Variants in NDST1 observed in about 807,000 individuals in gnomAD.
NDST1 encodes N-deacetylase and N-sulfotransferase 1, also known as bifunctional heparan sulfate N-deacetylase/N-sulfotransferase 1.
NDST1 carries 35 observed loss-of-function variants against 92.8 expected under a neutral mutation model. The ratio of observed to expected loss-of-function variants is 0.38; its 90% confidence interval spans 0.29 to 0.50. NDST1 has a LOEUF of 0.50. NDST1 is among the 20% of genes least tolerant of loss of function. The probability of loss-of-function intolerance (pLI) is 0.94; values close to 1 mark genes in which losing one functional copy is unlikely to be tolerated. For missense variants in NDST1, 822 were observed against 1,182.7 expected, an observed-to-expected ratio of 0.69 and a Z score of 4.47; for synonymous variants, 493 against 500.3, an observed-to-expected ratio of 0.99 and a Z score of 0.19.
rs958227562 is a variant in NDST1 at position 150,553,517 on chromosome 5, C to T, written c.*185C>T. 2.2e-5 allele frequency: 17 copies of T among 783,240 alleles called. No individual in the cohort carries two copies. Among genetic ancestry groups the T allele is most frequent in the African/African-American group, 5.1e-5 (3 of 58,644 alleles). The allele number at this position is 783,240 out of a possible 1,614,324, so 48.5% of individuals were successfully genotyped here. ...TCTGCAAGCACCTCGGAGCACCCAC[C>T]GCTGGGTCTGCGGCCTAAGGGACCT... On this transcript the variant is annotated 3_prime_UTR_variant, in exon 15 of 15. Coordinates refer to ENST00000261797, the MANE Select transcript of NDST1 (RefSeq NM_001543.5). The surrounding 1 kb of genome is among the most constrained non-coding windows in gnomAD (Gnocchi z 4.2).
chr5:150,553,685 C>T lies in NDST1; in HGVS notation c.*353C>T, dbSNP rs1284807959. 2.7e-5 allele frequency: 11 copies of T among 411,982 alleles called. No individual in the cohort carries two copies. Among genetic ancestry groups the T allele is most frequent in the Admixed American group, 7.1e-5 (2 of 28,154 alleles). The allele number at this position is 411,982 out of a possible 1,614,324, so 25.5% of individuals were successfully genotyped here. On this transcript the variant is annotated 3_prime_UTR_variant, in exon 15 of 15. Coordinates refer to ENST00000261797, the MANE Select transcript of NDST1 (RefSeq NM_001543.5). The surrounding 1 kb of genome is among the most constrained non-coding windows in gnomAD (Gnocchi z 4.2). Reference sequence around the variant, plus strand: ...CTCGTCACCCATCACTCCCTGCTTCCGCAGGGCGCCCCTCAGTATTCGCTG... The same window carrying T: ...CTCGTCACCCATCACTCCCTGCTTCTGCAGGGCGCCCCTCAGTATTCGCTG...
chr5:150,550,340 A>G (rs1201799258), intron 13 of NDST1: 1 of 158,020 alleles, frequency 6.3e-6, no homozygotes, highest in East Asian at 1.9e-4. Context: ...TGCCTGCTTC[A>G]GCGTCCCAAA....
chr5:150,536,802 G>T (rs909220041), intron 6 of NDST1, among the ~76,000 whole-genome samples: 5 of 152,122 alleles, frequency 3.3e-5, no homozygotes, highest in Non-Finnish European at 7.4e-5. Context: ...CAACCTCAGG[G>T]GATCTGCCCA....
chr5:150,528,215 C>T lies in NDST1; in HGVS notation c.925C>T (p.Pro309Ser). 6.2e-7 allele frequency: 1 copy of T among 1,614,130 alleles called. No individual in the cohort carries two copies. Among genetic ancestry groups the T allele is most frequent in the Non-Finnish European group, 8.5e-7 (1 of 1,179,968 alleles). ...CCTCACGGGGAAGCGCCTCTCCCTGCCATTGGACCGCTACATCCTGGTGGA... is the reference window on the plus strand; with the variant it reads ...CCTCACGGGGAAGCGCCTCTCCCTGTCATTGGACCGCTACATCCTGGTGGA... ...AFLTGKRLSL[P>S]LDRYILVDID... The change falls in exon 3 of 15, where the codon CCA becomes TCA. Residue 309 changes from proline (P) to serine (S), a missense_variant. Pro to Ser is a moderately conservative substitution (Grantham distance 74). Transcript: ENST00000261797.
intron 1 of NDST1, among the ~76,000 whole-genome samples, chr5:150,509,730 C>T (rs535188010): frequency 7.0e-4 from 106 of 152,238 alleles, no homozygotes; most frequent in Middle Eastern, 3.4e-3. Flanking sequence ...AGGATGGTCT[C>T]GATCTCAGGA....
chr5:150,504,403 C>T (rs560897543), upstream of NDST1, among the ~76,000 whole-genome samples: 7 of 152,348 alleles, frequency 4.6e-5, no homozygotes, highest in South Asian at 4.1e-4. Flanking sequence ...CCTCTGTTTC[C>T]GTGTCCTCTG....
In NDST1 at chr5:150,541,436, G is replaced by A. The variant is rs542535233; in HGVS notation, c.1750-134G>A. The A allele has an allele frequency of 1.5e-5, 12 of 781,988 alleles. No individual in the cohort carries two copies. In the African/African-American group the frequency reaches 1.7e-4, roughly 11 times the overall value. 48.4% of individuals were successfully genotyped at this position (781,988 alleles called of 1,614,324 possible). A position where few individuals can be genotyped will look rare whatever the true frequency, so the allele number is the denominator to read the frequency against. On this transcript the variant is annotated intron_variant, in intron 8 of 14. Transcript: ENST00000261797. ...GTCAGTGGCTCAGTGTCTGGGGGTG[G>A]GGATGTGACAAGGACACATGTAGCA... is the stretch of plus-strand genomic sequence containing the variant.
chr5:150,539,988 C>A, intron 7 of NDST1, 94 bp from the exon 8 acceptor site: 5 of 1,489,872 alleles, frequency 3.4e-6, no homozygotes, highest in Non-Finnish European at 4.7e-6. Flanking sequence ...AGGAGCCTTG[C>A]AAGCTAAGGC....
chr5:150,547,607 C>T (rs982083301), intron 11 of NDST1, among the ~76,000 whole-genome samples: 4 of 152,242 alleles, frequency 2.6e-5, no homozygotes, highest in African/African-American at 9.6e-5. Context: ...TCCTTTCTAA[C>T]ACTGTCAACC....
At position 150,549,681 on chromosome 5, in the gene NDST1, C is replaced by T. The variant is rs373480506; in HGVS notation, c.2320C>T (p.Leu774=). Reference sequence around the variant, plus strand: ...GATCCCCTTTCTCCCTTTCCAGATTCTGGTCTTGGATGGCAAACTGCTTCG... The same window carrying T: ...GATCCCCTTTCTCCCTTTCCAGATTTTGGTCTTGGATGGCAAACTGCTTCG... The part of the protein sequence containing the change: ...WLSAYHANQI[L]VLDGKLLRTE... The change falls in exon 13 of 15, where the codon CTG becomes TTG. Residue 774 remains leucine, a synonymous_variant. Transcript: ENST00000261797. The T allele has an allele frequency of 3.1e-6, 5 of 1,610,192 alleles. No individual in the cohort carries two copies. In the African/African-American group the frequency reaches 5.3e-5, roughly 17 times the overall value.
upstream of NDST1, among the ~76,000 whole-genome samples, chr5:150,504,298 G>A (rs1753356410): frequency 6.6e-6 from 1 of 152,194 alleles, no homozygotes; most frequent in Non-Finnish European, 1.5e-5. Context: ...GATGTTCCAA[G>A]GACTTTTCTT....
In NDST1 at chr5:150,542,896, G is replaced by A. The variant is rs1755309352; in HGVS notation, c.1895G>A (p.Ser632Asn). The change falls in exon 10 of 15, where the codon AGC becomes AAC. Residue 632 changes from serine to asparagine, a missense_variant. Coordinates refer to ENST00000261797, the MANE Select transcript of NDST1 (RefSeq NM_001543.5). ...LFLGMHPDLSSNYPSSETFEE... is the reference protein window; with the variant it reads ...LFLGMHPDLSNNYPSSETFEE... ...CTGGGCATGCACCCTGACCTAAGCA[G>A]CAACTACCCCAGCTCTGAGACCTTT... 1.2e-6 allele frequency: 2 copies of A among 1,614,060 alleles called. No homozygotes were observed. The highest frequency in any genetic ancestry group is 1.7e-6 in the Non-Finnish European group (2 of 1,180,030).
At position 150,521,744 on chromosome 5, in the gene NDST1, G is replaced by A; in HGVS notation, c.490G>A (p.Val164Met). ...LLDKYCVAYG[V>M]GIIGFFKANE... The stretch of plus-strand genomic sequence containing the variant: ...GGACAAGTACTGTGTGGCCTACGGC[G>A]TGGGCATCATTGGCTTCTTCAAGGT... The change falls in exon 2 of 15, where the codon GTG becomes ATG. Residue 164 changes from valine to methionine, a missense_variant. Physicochemically the swap from Val to Met is conservative, Grantham distance 21. Transcript: ENST00000261797. This position sits in a 1 kb window ranked among gnomAD's most constrained non-coding sequence, Gnocchi z 5.9. 3.7e-6 allele frequency: 6 copies of A among 1,613,826 alleles called. No homozygotes were observed. Among genetic ancestry groups the A allele is most frequent in the African/African-American group, 1.3e-5 (1 of 75,046 alleles).
At chr5:150,539,821 A>AT (rs1755164281) in intron 7 of NDST1, 5 of 981,316 alleles carry the variant, frequency 5.1e-6, no homozygotes, top group Non-Finnish European at 6.1e-6. Context: ...CACCCCTAAC[A>AT]TTTACAAAAT....
rs767605033 is a variant in NDST1, at chr5:150,534,979, C to T, written c.1209C>T (p.Ser403=). 48 of 1,614,238 alleles carry T rather than the reference C, an allele frequency of 3.0e-5. 1 individual carries two copies. Among genetic ancestry groups the T allele is most frequent in the East Asian group, 6.7e-5 (3 of 44,890 alleles). The change falls in exon 5 of 15, where the codon TCC becomes TCT. Residue 403 remains serine (S), a synonymous_variant. Coordinates refer to ENST00000261797, the MANE Select transcript of NDST1 (RefSeq NM_001543.5). The part of the protein sequence containing the change: ...HMQPHLFHNQ[S]VLAEQMALNK... The stretch of plus-strand genomic sequence containing the variant: ...AGCCCCACCTTTTCCACAACCAGTC[C>T]GTGTTGGCCGAGCAGATGGCCTTGA...
intron 3 of NDST1, among the ~76,000 whole-genome samples, chr5:150,531,206 G>T (rs1754715938): frequency 1.3e-5 from 2 of 152,156 alleles, no homozygotes; most frequent in South Asian, 4.1e-4. Context: ...CCTATTCAGG[G>T]CTTGGTGAGT....
At chr5:150,511,243 C>G (rs75437529) in intron 1 of NDST1, among the ~76,000 whole-genome samples, 2 of 152,298 alleles carry the variant, frequency 1.3e-5, no homozygotes, top group African/African-American at 4.8e-5. Context: ...AGCAGATTCA[C>G]AGAGGGGAAG....
At chr5:150,512,500 T>C (rs1753773383) in intron 1 of NDST1, among the ~76,000 whole-genome samples, 1 of 152,208 alleles carries the variant, frequency 6.6e-6, no homozygotes, top group African/African-American at 2.4e-5. Context: ...GCTCAGTAAA[T>C]ACAGGATGAG....
chr5:150,511,112 T>TG (rs890593787), intron 1 of NDST1, among the ~76,000 whole-genome samples: 7 of 152,118 alleles, frequency 4.6e-5, no homozygotes, highest in Admixed American at 2.6e-4. Context: ...ATCCGTATAA[T>TG]GGGGGGAATC....
Sources: gnomAD v4.1 joint callset for allele counts (sites outside exome capture counted in the v4.1 genomes callset) on GRCh38, gnomAD v4.1.1 for gene constraint, Gnocchi (gnomAD v3.1) non-coding constraint, MANE v1.5 for transcripts, NCBI Gene and HGNC (gene_info 2026-07-23, HGNC 2026-07-21) for gene names.